The following NBAS variants were observed in gnomAD, a reference collection of about 807,000 sequenced individuals.
NBAS encodes the protein NAG/BC035112 fusion.
A neutral mutation model predicts 302.5 loss-of-function variants in NBAS; 219 were observed. The observed-to-expected ratio is 0.72, with a 90% CI of 0.65 to 0.81. The LOEUF (loss-of-function observed/expected upper bound fraction) is 0.81. Ranked by LOEUF, NBAS falls within the 30% of genes least tolerant of loss-of-function variation. The pLI is 0.00. For synonymous variants in NBAS, 1,118 were observed against 1,021.6 expected (o/e 1.09, Z -1.80); for missense variants, 2,932 against 2,841.6 (o/e 1.03, Z -0.72).
At chr2:15,296,529 AAAAAC>A (rs1670556404) in intron 40 of NBAS, among the ~76,000 whole-genome samples, 1 of 124,042 alleles carries the variant, frequency 8.1e-6, no homozygotes, top group Non-Finnish European at 1.6e-5. Context: ...CTGTCTCAAA[AAAAAC>A]AAAACAAAAC....
chr2:15,480,388 A>C (rs1324966679), intron 12 of NBAS, among the ~76,000 whole-genome samples: 2 of 151,938 alleles, frequency 1.3e-5, no homozygotes, highest in Non-Finnish European at 2.9e-5. Context: ...AAAAAAAAAA[A>C]ACCGATATTG....
At chr2:14,792,517 A>C in the NBAS span, among the ~76,000 whole-genome samples, 3 of 152,096 alleles carry the variant, frequency 2.0e-5, no homozygotes, top group Non-Finnish European at 2.9e-5. Context: ...AAAACATCAA[A>C]ATTCAATATT....
At chr2:15,212,290 T>C (rs532552906) in intron 48 of NBAS, among the ~76,000 whole-genome samples, 3 of 152,280 alleles carry the variant, frequency 2.0e-5, no homozygotes, top group South Asian at 2.1e-4. Context: ...TCCCTAAACA[T>C]AGATCTGTTC....
chr2:14,901,817 C>G, the NBAS span, among the ~76,000 whole-genome samples: 1 of 152,174 alleles, frequency 6.6e-6, no homozygotes, highest in African/African-American at 2.4e-5. Flanking sequence ...GTGATGGCTC[C>G]TGAAAACATT....
At chr2:15,400,510 T>C (rs1676098105) in intron 26 of NBAS, among the ~76,000 whole-genome samples, 1 of 152,008 alleles carries the variant, frequency 6.6e-6, no homozygotes, top group African/African-American at 2.4e-5. Context: ...AAGTCAAAAA[T>C]GATCTAAAAT....
At chr2:15,382,919 G>T (rs1572755574) in intron 29 of NBAS, among the ~76,000 whole-genome samples, 1 of 152,272 alleles carries the variant, frequency 6.6e-6, no homozygotes, top group East Asian at 1.9e-4. Context: ...TTTCTCAGAT[G>T]CATTAGACAA....
At chr2:14,873,012 GA>G in the NBAS span, among the ~76,000 whole-genome samples, 2 of 152,170 alleles carry the variant, frequency 1.3e-5, no homozygotes, top group African/African-American at 4.8e-5. Context: ...AAGAGCGAAA[GA>G]AAAAAAGTTC....
At chr2:14,781,971 T>C in the NBAS span, among the ~76,000 whole-genome samples, 6,153 of 152,216 alleles carry the variant, frequency 0.04, 167 homozygotes, top group Non-Finnish European at 0.059. Context: ...CAACCCTGTC[T>C]GTCTCTTCCT....
the NBAS span, among the ~76,000 whole-genome samples, chr2:14,869,716 A>T: frequency 6.6e-6 from 1 of 152,120 alleles, no homozygotes; most frequent in Non-Finnish European, 1.5e-5. Flanking sequence ...CTTGGTTTCC[A>T]CGTCCCTCTT....
At chr2:14,842,356 A>C in the NBAS span, among the ~76,000 whole-genome samples, 1 of 152,008 alleles carries the variant, frequency 6.6e-6, no homozygotes, top group South Asian at 2.1e-4. Context: ...GAGACTAAAA[A>C]ATGCAGAAGT....
At chr2:14,960,013 T>G in the NBAS span, among the ~76,000 whole-genome samples, 4 of 152,214 alleles carry the variant, frequency 2.6e-5, no homozygotes, top group African/African-American at 9.6e-5. Flanking sequence ...AGGTCAGTGT[T>G]TTGGAAATGA....
chr2:15,536,332 CA>C (rs748482603), intron 8 of NBAS, 85 bp downstream of exon 8: 86,577 of 975,852 alleles, frequency 0.089, no homozygotes, highest in South Asian at 0.15. Flanking sequence ...AGACAGAAAG[CA>C]AAAAAAAAAA....
In NBAS at chr2:15,219,108, T is replaced by C; in HGVS notation, c.6237-140A>G. ...TTCCTCTTGAAAGGAAAAATTTTGG[T>C]TTTTAAATGGCTTACAGCGAACTGT... On this transcript the variant is annotated intron_variant, in intron 47 of 51. Coordinates refer to ENST00000281513, the MANE Select transcript of NBAS (RefSeq NM_015909.4). The C allele has an allele frequency of 7.8e-6, 7 of 899,552 alleles. No individual in the cohort carries two copies. In the South Asian group the frequency reaches 1.1e-4, roughly 14 times the overall value. The allele number at this position is 899,552 out of a possible 1,614,324, so 55.7% of individuals were successfully genotyped here. A position where few individuals can be genotyped will look rare whatever the true frequency, so the allele number is the denominator to read the frequency against.
intron 35 of NBAS, among the ~76,000 whole-genome samples, chr2:15,345,452 T>G (rs921201914): frequency 3.3e-5 from 5 of 152,104 alleles, no homozygotes; most frequent in African/African-American, 1.2e-4. Flanking sequence ...ACAAGGGATG[T>G]GAAGGACCTC....
intron 6 of NBAS, among the ~76,000 whole-genome samples, chr2:15,546,700 C>G (rs529895988): frequency 3.9e-5 from 6 of 152,278 alleles, no homozygotes; most frequent in South Asian, 2.1e-4. Flanking sequence ...TGCACTCCAG[C>G]CTCAGTGACA....
At chr2:15,245,700 TA>T (rs1668069048) in intron 44 of NBAS, among the ~76,000 whole-genome samples, 1 of 151,992 alleles carries the variant, frequency 6.6e-6, no homozygotes, top group African/African-American at 2.4e-5. Context: ...AAGAGAACAG[TA>T]AAAGTGCATT....
the NBAS span, among the ~76,000 whole-genome samples, chr2:14,861,630 C>A: frequency 2.0e-5 from 3 of 152,198 alleles, no homozygotes; most frequent in East Asian, 5.8e-4. Flanking sequence ...ATGATGCTAT[C>A]CCCTCAATAA....
intron 3 of NBAS, among the ~76,000 whole-genome samples, chr2:15,554,406 T>C (rs1227171969): frequency 6.6e-6 from 1 of 151,778 alleles, no homozygotes; most frequent in Non-Finnish European, 1.5e-5. Flanking sequence ...AGCATACCAA[T>C]CACAGAGCAG....
intron 9 of NBAS, among the ~76,000 whole-genome samples, chr2:15,528,391 A>G (rs2148670798): frequency 6.8e-6 from 1 of 148,082 alleles, no homozygotes; most frequent in East Asian, 1.9e-4. Context: ...ATTTACATAT[A>G]CAATATGAAT....
Sources: gnomAD v4.1 joint callset for allele counts (sites outside exome capture counted in the v4.1 genomes callset) on GRCh38, gnomAD v4.1.1 for gene constraint, MANE v1.5 for transcripts, NCBI Gene and HGNC (gene_info 2026-07-23, HGNC 2026-07-21) for gene names.